The following RELB variants were observed in gnomAD, a reference collection of about 807,000 sequenced individuals.
RELB encodes the protein RELB proto-oncogene, NF-kB subunit, also known as transcription factor RelB.
Under a neutral mutation model 55.4 loss-of-function variants are expected in RELB, and 14 were observed. That is an observed-to-expected ratio of 0.25 (90% CI 0.17 to 0.40). The LOEUF (loss-of-function observed/expected upper bound fraction) is 0.40. RELB is among the 10% of genes least tolerant of loss of function. The probability of loss-of-function intolerance (pLI) is 1.00; values close to 1 mark genes in which losing one functional copy is unlikely to be tolerated. For missense variants in RELB, 669 were observed against 830.7 expected, an observed-to-expected ratio of 0.81 and a Z score of 2.39; for synonymous variants, 409 against 371.3, an observed-to-expected ratio of 1.10 and a Z score of -1.17.
intron 2 of RELB, among the ~76,000 whole-genome samples, chr19:45,007,249 G>A (rs1458731924): frequency 1.3e-5 from 2 of 152,172 alleles, no homozygotes; most frequent in East Asian, 3.9e-4. Flanking sequence ...CCTGAATGGT[G>A]GCAAGTCCAC....
intron 5 of RELB, 79 bp from the exon 6 acceptor site, chr19:45,025,250 C>A: frequency 1.0e-6 from 1 of 961,224 alleles, no homozygotes; most frequent in African/African-American, 1.6e-5. Flanking sequence ...ACAGCAGCAT[C>A]TGCCAGAGCC....
intron 1 of RELB, among the ~76,000 whole-genome samples, chr19:45,002,309 A>G (rs1369889126): frequency 1.3e-5 from 2 of 152,138 alleles, no homozygotes; most frequent in Non-Finnish European, 2.9e-5. Context: ...TGAAAAAATT[A>G]AAAGTGGTCT....
In RELB at chr19:45,002,510, A is replaced by G. The variant is rs554675753; in HGVS notation, c.107-439A>G. ...TGGAATTACAGGTGCCCGCCACCAC[A>G]CCCGGCTAATTTTTGTAGTTTTACT... On this transcript the variant is annotated intron_variant, in intron 1 of 11. Coordinates refer to ENST00000221452, the MANE Select transcript of RELB (RefSeq NM_006509.4). 4.6e-5 allele frequency among the ~76,000 whole-genome samples: 7 copies of G among 152,124 alleles called. No individual in the cohort carries two copies. In the South Asian group the frequency reaches 1.2e-3, roughly 27 times the overall value.
intron 4 of RELB, among the ~76,000 whole-genome samples, chr19:45,021,018 C>T (rs1971479196): frequency 6.6e-6 from 1 of 151,976 alleles, no homozygotes; most frequent in South Asian, 2.1e-4. Context: ...CTACTGAAAA[C>T]ACAAAAATTA....
In RELB at chr19:45,032,676, C is replaced by T. The variant is rs370104310; in HGVS notation, c.1134C>T (p.Asn378=). ...AGATTGTCGAGCCCGTGACAGTCAA[C>T]GTCTTCCTGCAGCGGCTCACCGATG... ...DLEIVEPVTV[N]VFLQRLTDGV... is the part of the protein sequence containing the mutation. Residue 378 remains asparagine (N), a synonymous_variant, in exon 9 of 12, where the codon AAC becomes AAT. Transcript: ENST00000221452. 25 of 1,611,362 alleles carry T rather than the reference C, an allele frequency of 1.6e-5. No homozygotes were observed. The highest frequency in any genetic ancestry group is 4.5e-5 in the East Asian group (2 of 44,810).
rs367890832 is a variant in RELB, at chr19:45,004,337, C to T, written c.154+1341C>T. ...TCTCAGGTTCGAGCAATTCTCCTGC[C>T]TCAGCCTCCCAAGTAGCTGGGATTA... On this transcript the variant is annotated intron_variant, in intron 2 of 11. Transcript: ENST00000221452. Among the ~76,000 whole-genome samples the T allele has an allele frequency of 1.2e-4, 18 of 151,810 alleles. No homozygotes were observed. The East Asian group carries it at 3.2e-3, about 27-fold the overall frequency.
chr19:45,021,463 A>G (rs996519775), intron 4 of RELB, among the ~76,000 whole-genome samples: 8 of 149,692 alleles, frequency 5.3e-5, no homozygotes, highest in Non-Finnish European at 1.0e-4. Flanking sequence ...TCTCAAAAAA[A>G]AAAAAAAAAA....
chr19:45,003,564 T>C (rs1252043736), intron 2 of RELB: 2 of 517,902 alleles, frequency 3.9e-6, no homozygotes, highest in Admixed American at 1.9e-5. Flanking sequence ...CACTGTGGCT[T>C]AGTAGAAGGT....
rs374567398 is a variant in RELB, at chr19:45,034,507, T to C, written c.1333T>C (p.Phe445Leu). Residue 445 changes from phenylalanine to leucine, a missense_variant, in exon 11 of 12, where the codon TTC (phenylalanine) becomes CTC (leucine). By Grantham distance (22) the Phe-to-Leu change is conservative. Coordinates refer to ENST00000221452, the MANE Select transcript of RELB (RefSeq NM_006509.4). The stretch of plus-strand genomic sequence containing the variant: ...GAAAAAGCCGGCCATCCTGGACCAC[T>C]TCCTGCCCAACCACGGCTCAGGTGG... ...RKKKPAILDH[F>L]LPNHGSGPFL... 5.1e-5 allele frequency: 82 copies of C among 1,607,290 alleles called. No homozygotes were observed. The highest frequency in any genetic ancestry group is 5.4e-5 in the Non-Finnish European group (63 of 1,176,958).
chr19:45,017,663 CTT>C (rs773366193), intron 4 of RELB, among the ~76,000 whole-genome samples: 23 of 135,330 alleles, frequency 1.7e-4, no homozygotes, highest in East Asian at 2.1e-4. Flanking sequence ...GTTATTATTC[CTT>C]TTTTTTTTTT....
intron 7 of RELB, among the ~76,000 whole-genome samples, chr19:45,028,276 C>T (rs1971581164): frequency 6.6e-6 from 1 of 151,960 alleles, no homozygotes; most frequent in East Asian, 1.9e-4. Context: ...CCTGGCTGGG[C>T]CCCCAAAAGT....
chr19:45,017,724 C>T (rs530545126), intron 4 of RELB, among the ~76,000 whole-genome samples: 38 of 145,734 alleles, frequency 2.6e-4, no homozygotes, highest in Non-Finnish European at 5.2e-4. Context: ...TGCAATGGTG[C>T]GATCTCTGCC....
At chr19:45,002,760 GA>G (rs1335804254) in intron 1 of RELB, among the ~76,000 whole-genome samples, 188 bp from the exon 2 acceptor site, 1 of 152,168 alleles carries the variant, frequency 6.6e-6, no homozygotes, top group Admixed American at 6.6e-5. Flanking sequence ...GCGAACCACA[GA>G]AACTAAAGGC....
intron 4 of RELB, among the ~76,000 whole-genome samples, chr19:45,013,814 A>G (rs952667267): frequency 2.0e-5 from 3 of 152,230 alleles, no homozygotes; most frequent in Middle Eastern, 3.4e-3. Context: ...CCTGAGCGAC[A>G]AGAGCAAAAC....
In RELB at chr19:45,037,386, CTT is replaced by C. The variant is rs753298778; in HGVS notation, c.1355-18_1355-17del. 5 of 1,534,808 alleles carry C rather than the reference CTT, an allele frequency of 3.3e-6. No individual in the cohort carries two copies. The East Asian group carries it at 6.9e-5, about 21-fold the overall frequency. ...TAGCCCTAAATCACACTACACTTCT[CTT>C]GTCTTCATCCCCGTAGGCCCGTTCC... On this transcript the variant is annotated splice_polypyrimidine_tract_variant and intron_variant, in intron 11 of 11. Coordinates refer to ENST00000221452, the MANE Select transcript of RELB (RefSeq NM_006509.4).
intron 4 of RELB, among the ~76,000 whole-genome samples, chr19:45,014,652 G>A (rs1971401109): frequency 6.6e-6 from 1 of 150,818 alleles, no homozygotes; most frequent in African/African-American, 2.4e-5. Context: ...CAAGTAGCTG[G>A]GATTACAGGC....
intron 11 of RELB, among the ~76,000 whole-genome samples, chr19:45,035,872 G>C (rs1251396156): frequency 6.6e-6 from 1 of 152,176 alleles, no homozygotes; most frequent in African/African-American, 2.4e-5. Flanking sequence ...TCCAGGGATG[G>C]TCTGGTGACT....
intron 9 of RELB, among the ~76,000 whole-genome samples, chr19:45,033,239 G>T (rs1400157026): frequency 6.6e-6 from 1 of 152,190 alleles, no homozygotes; most frequent in East Asian, 1.9e-4. Flanking sequence ...TGGAGGAGGG[G>T]ACAGCTGAGC....
At position 45,001,471 on chromosome 19, in the gene RELB, C is replaced by T. The variant is rs1223800647; in HGVS notation, c.-109C>T. The T allele has an allele frequency of 3.7e-6, 1 of 270,238 alleles. No homozygotes were observed. Among genetic ancestry groups the T allele is most frequent in the Non-Finnish European group, 5.9e-6 (1 of 170,908 alleles). 16.7% of individuals were successfully genotyped at this position (270,238 alleles called of 1,614,324 possible). ...CCCGGCCCCGCGCCCCGCGCAGCCCCGGGCGCCGCGCGTCCTGCCCGGCCT... is the reference window on the plus strand; with the variant it reads ...CCCGGCCCCGCGCCCCGCGCAGCCCTGGGCGCCGCGCGTCCTGCCCGGCCT... On this transcript the variant is annotated 5_prime_UTR_variant, in exon 1 of 12. Transcript: ENST00000221452.
Sources: allele counts gnomAD v4.1 joint callset (sites outside exome capture counted in the v4.1 genomes callset), GRCh38; gene constraint gnomAD v4.1.1; transcripts MANE v1.5; gene names NCBI Gene and HGNC (gene_info 2026-07-23, HGNC 2026-07-21).